The following RAB6A variants were observed in gnomAD, a reference collection of about 807,000 sequenced individuals.
The protein encoded by RAB6A is RAB6A, member RAS oncogene family.
In RAB6A, 8 loss-of-function variants were observed where a neutral mutation model predicts 32.3. The ratio of observed to expected loss-of-function variants is 0.25; its 90% CI spans 0.15 to 0.45. RAB6A has a LOEUF of 0.45. Ranked by LOEUF, RAB6A falls within the 20% of genes least tolerant of loss-of-function variation. The pLI, the probability that RAB6A is intolerant of heterozygous loss-of-function variation, is 1.00. For synonymous variants in RAB6A, 73 were observed against 82.1 expected, an observed-to-expected ratio of 0.89 and a Z score of 0.60; for missense variants, 104 against 249.4, an observed-to-expected ratio of 0.42 and a Z score of 3.93.
intron 6 of RAB6A, among the ~76,000 whole-genome samples, chr11:73,705,112 T>C (rs1381362504): frequency 6.6e-6 from 1 of 152,250 alleles, no homozygotes; most frequent in Non-Finnish European, 1.5e-5. Flanking sequence ...CTGATAATTC[T>C]AGAGTTTCTA....
At chr11:73,754,359 G>A (rs1453441594) in intron 1 of RAB6A, among the ~76,000 whole-genome samples, 2 of 152,188 alleles carry the variant, frequency 1.3e-5, no homozygotes, top group African/African-American at 4.8e-5. Context: ...CCTTTGGGGA[G>A]GTCCACAAAC....
At chr11:73,690,013 G>A (rs1194104146) in intron 6 of RAB6A, among the ~76,000 whole-genome samples, 1 of 152,084 alleles carries the variant, frequency 6.6e-6, no homozygotes, top group African/African-American at 2.4e-5. Context: ...TGGAGGAGGG[G>A]AAAACTTCTT....
At position 73,705,195 on chromosome 11, in the gene RAB6A, G is replaced by A. The variant is rs115916152; in HGVS notation, c.495+2225C>T. 5.5e-3 allele frequency among the ~76,000 whole-genome samples: 835 copies of A among 152,124 alleles called. 6 individuals carry two copies. The highest frequency in any genetic ancestry group is 0.017 in the African/African-American group (710 of 41,508). ...CTTCTTTAGCTATTAACCAGGAAAA[G>A]GACAGCCTGTACCAGGATATATAAG... is the stretch of plus-strand genomic sequence containing the variant. On this transcript the variant is annotated intron_variant, in intron 6 of 7. Transcript: ENST00000336083.
rs1173121042 is a variant in RAB6A, at chr11:73,730,588, T to C, written c.129+177A>G. On this transcript the variant is annotated intron_variant, in intron 2 of 7. Coordinates refer to ENST00000336083, the MANE Select transcript of RAB6A (RefSeq NM_198896.2). ...GGAAGAGACAAAAGAAATCAAATGA[T>C]AAAAGTTTATCCTAGGACTGGACAA... is the stretch of plus-strand genomic sequence containing the variant. 3 of 543,422 alleles carry C rather than the reference T, an allele frequency of 5.5e-6. No individual in the cohort carries two copies. The East Asian group carries it at 1.0e-4, about 18-fold the overall frequency. The allele number at this position is 543,422 out of a possible 1,614,324, so 33.7% of individuals were successfully genotyped here.
chr11:73,698,845 T>C (rs1212998479), intron 6 of RAB6A, among the ~76,000 whole-genome samples: 2 of 139,538 alleles, frequency 1.4e-5, no homozygotes, highest in Admixed American at 1.7e-4. Flanking sequence ...ATACTTTTTT[T>C]GCGATTTTTT....
At chr11:73,735,250 C>T (rs938669333) in intron 1 of RAB6A, among the ~76,000 whole-genome samples, 2 of 152,194 alleles carry the variant, frequency 1.3e-5, no homozygotes, top group Non-Finnish European at 2.9e-5. Context: ...CACTGGCAAA[C>T]AACTTGGGTA....
intron 2 of RAB6A, among the ~76,000 whole-genome samples, chr11:73,727,182 C>T (rs1209333711): frequency 6.6e-6 from 1 of 152,044 alleles, no homozygotes; most frequent in East Asian, 1.9e-4. Context: ...AATCCCAGCA[C>T]TTTGAGAGGC....
intron 5 of RAB6A, among the ~76,000 whole-genome samples, chr11:73,708,399 C>T (rs1037455445): frequency 6.6e-6 from 1 of 152,146 alleles, no homozygotes; most frequent in Admixed American, 6.5e-5. Flanking sequence ...AAACTCCTGA[C>T]CTCAGGTGAT....
chr11:73,711,033 T>TAGA (rs1375014513), intron 5 of RAB6A, among the ~76,000 whole-genome samples: 1 of 152,218 alleles, frequency 6.6e-6, no homozygotes, highest in Non-Finnish European at 1.5e-5. Context: ...AAAGGCTTTC[T>TAGA]GCTCAAAGGC....
At chr11:73,719,233 G>GA (rs957433244) in intron 3 of RAB6A, among the ~76,000 whole-genome samples, 12 of 151,980 alleles carry the variant, frequency 7.9e-5, no homozygotes, top group Admixed American at 1.3e-4. Context: ...GTTAAATAGA[G>GA]AAAAAAACAA....
chr11:73,728,629 A>G (rs978051962), intron 2 of RAB6A, among the ~76,000 whole-genome samples: 1 of 147,642 alleles, frequency 6.8e-6, no homozygotes, highest in African/African-American at 2.5e-5. Context: ...TAATAATAAT[A>G]ATAATAATAA....
chr11:73,677,621 A>G lies in RAB6A; in HGVS notation c.*277T>C, dbSNP rs1487360688. ...GTACATTATCATAACATTAAAAAAG[A>G]AAAAAATGTTAAGAAAATGTATCTA... is the stretch of plus-strand genomic sequence containing the variant. On this transcript the variant is annotated 3_prime_UTR_variant, in exon 8 of 8. Transcript: ENST00000336083. The G allele has an allele frequency of 3.8e-6, 3 of 793,784 alleles. No homozygotes were observed. Among genetic ancestry groups the G allele is most frequent in the Non-Finnish European group, 5.8e-6 (3 of 516,482 alleles). The allele number at this position is 793,784 out of a possible 1,614,324, so 49.2% of individuals were successfully genotyped here.
chr11:73,701,953 G>A (rs2134907478), intron 6 of RAB6A, among the ~76,000 whole-genome samples: 1 of 152,202 alleles, frequency 6.6e-6, no homozygotes, highest in South Asian at 2.1e-4. Flanking sequence ...GCCCACGAGG[G>A]ACAGTTCTTT....
chr11:73,725,210 GAGTGGTAAA>G (rs1946197448), intron 2 of RAB6A, among the ~76,000 whole-genome samples: 2 of 152,228 alleles, frequency 1.3e-5, no homozygotes, highest in Non-Finnish European at 2.9e-5. Flanking sequence ...GGTCAAAGAA[GAGTGGTAAA>G]AGTGGTAAAG....
At chr11:73,682,244 T>C (rs181650197) in intron 6 of RAB6A, among the ~76,000 whole-genome samples, 56 of 152,160 alleles carry the variant, frequency 3.7e-4, no homozygotes, top group African/African-American at 1.3e-3. Flanking sequence ...AATCAAGCAA[T>C]TGAGCCCAGA....
chr11:73,700,746 T>C (rs769686170), intron 6 of RAB6A, among the ~76,000 whole-genome samples: 1 of 152,042 alleles, frequency 6.6e-6, no homozygotes, highest in Non-Finnish European at 1.5e-5. Flanking sequence ...CAAATGATCA[T>C]GTTAGATATT....
chr11:73,685,021 G>T lies in RAB6A; in HGVS notation c.496-5301C>A, dbSNP rs115727471. ...TAAAGAGATATACAAATCACATAGTGAAATTGAAAGGTATTAAGCAGAATG... is the reference window on the plus strand; with the variant it reads ...TAAAGAGATATACAAATCACATAGTTAAATTGAAAGGTATTAAGCAGAATG... On this transcript the variant is annotated intron_variant, in intron 6 of 7. Coordinates refer to ENST00000336083, the MANE Select transcript of RAB6A (RefSeq NM_198896.2). Among the ~76,000 whole-genome samples the T allele has an allele frequency of 5.5e-3, 838 of 152,280 alleles. 6 individuals are homozygous for T. The highest frequency in any genetic ancestry group is 0.017 in the African/African-American group (712 of 41,536).
At chr11:73,682,141 G>A (rs777917455) in intron 6 of RAB6A, among the ~76,000 whole-genome samples, 30 of 152,182 alleles carry the variant, frequency 2.0e-4, no homozygotes, top group Non-Finnish European at 2.9e-4. Flanking sequence ...GGATTAATAT[G>A]TGAATATTAG....
At chr11:73,724,857 C>T (rs905261563) in intron 2 of RAB6A, among the ~76,000 whole-genome samples, 1 of 152,174 alleles carries the variant, frequency 6.6e-6, no homozygotes, top group African/African-American at 2.4e-5. Context: ...AAATGTCCAA[C>T]TTCTCCCCAC....
Sources: gnomAD v4.1 joint callset for allele counts (sites outside exome capture counted in the v4.1 genomes callset) on GRCh38, gnomAD v4.1.1 for gene constraint, MANE v1.5 for transcripts, NCBI Gene and HGNC (gene_info 2026-07-23, HGNC 2026-07-21) for gene names.